GALNT18: variants seen among roughly 807,000 people sequenced by gnomAD.
The protein encoded by GALNT18 is polypeptide N-acetylgalactosaminyltransferase 18, also known as GalNAc-transferase 18.
In GALNT18, 44 loss-of-function variants were observed where a neutral mutation model predicts 69.5. The ratio of observed to expected loss-of-function variants is 0.63; its 90% CI spans 0.50 to 0.81. GALNT18 has a LOEUF of 0.81. Ranked by LOEUF, GALNT18 falls within the 40% of genes least tolerant of loss-of-function variation. GALNT18 has a pLI of 0.00. For missense variants in GALNT18, 715 were observed against 810.0 expected (o/e 0.88, Z 1.42); for synonymous variants, 364 against 318.2 (o/e 1.14, Z -1.53).
rs1283532792 is a variant in GALNT18, at chr11:11,460,250, C to T, written c.236-11314G>A. On this transcript the variant is annotated intron_variant, in intron 1 of 10. Coordinates refer to ENST00000227756, the MANE Select transcript of GALNT18 (RefSeq NM_198516.3). The stretch of plus-strand genomic sequence containing the variant: ...TTAGGATGTGTACATCTTTGAGGGG[C>T]CATTACTCTGCTACCATAGCAAGAG... 2.0e-5 allele frequency among the ~76,000 whole-genome samples: 3 copies of T among 152,298 alleles called. No homozygotes were observed. In the East Asian group the frequency reaches 5.8e-4, roughly 29 times the overall value.
chr11:11,332,615 C>G lies in GALNT18; in HGVS notation c.1416+79G>C, dbSNP rs1254575739. 4.6e-6 allele frequency: 7 copies of G among 1,524,412 alleles called. No individual in the cohort carries two copies. The highest frequency in any genetic ancestry group is 5.4e-6 in the Non-Finnish European group (6 of 1,105,538). The allele number at this position is 1,524,412 out of a possible 1,614,324, so 94.4% of individuals were successfully genotyped here. On this transcript the variant is annotated intron_variant, in intron 8 of 10. Coordinates refer to ENST00000227756, the MANE Select transcript of GALNT18 (RefSeq NM_198516.3). This position sits in a 1 kb window ranked among gnomAD's most constrained non-coding sequence, Gnocchi z 4.3. ...TCTTCATGTGAGCAGCTGAGAGGCTCTTTCCCTCCTCTCCCTTTCTTCACT... is the reference window on the plus strand; with the variant it reads ...TCTTCATGTGAGCAGCTGAGAGGCTGTTTCCCTCCTCTCCCTTTCTTCACT...
At position 11,377,791 on chromosome 11, in the gene GALNT18, G is replaced by A. The variant is rs997202989; in HGVS notation, c.780-412C>T. On this transcript the variant is annotated intron_variant, in intron 4 of 10. Transcript: ENST00000227756. This position sits in a 1 kb window ranked among gnomAD's most constrained non-coding sequence, Gnocchi z 4.6. Reference sequence around the variant, plus strand: ...TAAAATTCTATGTGTCAACCTGGAGGAAAAGACAGATGAGGATGGCAGAGA... The same window carrying A: ...TAAAATTCTATGTGTCAACCTGGAGAAAAAGACAGATGAGGATGGCAGAGA... Among the ~76,000 whole-genome samples, 5 of 152,172 alleles carry A rather than the reference G, an allele frequency of 3.3e-5. No individual in the cohort carries two copies. Among genetic ancestry groups the A allele is most frequent in the African/African-American group, 4.8e-5 (2 of 41,452 alleles).
At chr11:11,545,529 G>A (rs749833548) in intron 1 of GALNT18, among the ~76,000 whole-genome samples, 13 of 152,170 alleles carry the variant, frequency 8.5e-5, no homozygotes, top group Admixed American at 5.9e-4. Flanking sequence ...TCAGATAAGC[G>A]CGTGCACAGT....
chr11:11,508,389 C>T (rs1037134003), intron 1 of GALNT18, among the ~76,000 whole-genome samples: 1 of 152,216 alleles, frequency 6.6e-6, no homozygotes, highest in Admixed American at 6.5e-5. Flanking sequence ...ATGTTGTGCT[C>T]ATCCCACTGC....
chr11:11,363,851 G>A (rs1041387137), intron 6 of GALNT18, among the ~76,000 whole-genome samples: 6 of 151,482 alleles, frequency 4.0e-5, no homozygotes, highest in Admixed American at 2.0e-4. Context: ...CAGGAAATGT[G>A]TAAGATGAGC....
intron 6 of GALNT18, among the ~76,000 whole-genome samples, chr11:11,368,606 TTAA>T (rs991947820): frequency 5.3e-5 from 8 of 152,324 alleles, no homozygotes; most frequent in African/African-American, 1.9e-4. Flanking sequence ...TTTTATTCCT[TTAA>T]TAATGTTCAT....
rs537985179 is a variant in GALNT18 at position 11,341,258 on chromosome 11, C to G, written c.1093-254G>C. On this transcript the variant is annotated intron_variant, in intron 6 of 10. Coordinates refer to ENST00000227756, the MANE Select transcript of GALNT18 (RefSeq NM_198516.3). The surrounding 1 kb of genome is among the most constrained non-coding windows in gnomAD (Gnocchi z 6.3). Reference sequence around the variant, plus strand: ...AACAAAAAAAATGAATGCACTTTTTCCCTCCACCTGTGAGCCCTACCCCAC... The same window carrying G: ...AACAAAAAAAATGAATGCACTTTTTGCCTCCACCTGTGAGCCCTACCCCAC... 2.6e-5 allele frequency among the ~76,000 whole-genome samples: 4 copies of G among 152,184 alleles called. No homozygotes were observed. The highest frequency in any genetic ancestry group is 2.6e-4 in the Admixed American group (4 of 15,308).
chr11:11,437,048 C>A (rs545616782), intron 2 of GALNT18, among the ~76,000 whole-genome samples: 8 of 152,172 alleles, frequency 5.3e-5, no homozygotes, highest in African/African-American at 1.7e-4. Flanking sequence ...CAGCCGGGAC[C>A]CTGCCTACTC....
rs571777514 is a variant in GALNT18, at chr11:11,436,573, T to C, written c.429-3786A>G. Among the ~76,000 whole-genome samples the C allele has an allele frequency of 2.6e-5, 4 of 152,316 alleles. No individual in the cohort carries two copies. Among genetic ancestry groups the C allele is most frequent in the African/African-American group, 9.6e-5 (4 of 41,576 alleles). ...CATGATGCAAGCAGCAGGTCTTCCATTGGTGTTTGTTGAATAAATTCCCTT... is the reference window on the plus strand; with the variant it reads ...CATGATGCAAGCAGCAGGTCTTCCACTGGTGTTTGTTGAATAAATTCCCTT... On this transcript the variant is annotated intron_variant, in intron 2 of 10. Transcript: ENST00000227756. This position sits in a 1 kb window ranked among gnomAD's most constrained non-coding sequence, Gnocchi z 4.5.
chr11:11,341,183 G>A lies in GALNT18; in HGVS notation c.1093-179C>T, dbSNP rs1850200225. 6.6e-6 allele frequency among the ~76,000 whole-genome samples: 1 copy of A among 152,164 alleles called. No individual in the cohort carries two copies. Among genetic ancestry groups the A allele is most frequent in the African/African-American group, 2.4e-5 (1 of 41,434 alleles). On this transcript the variant is annotated intron_variant, in intron 6 of 10. Coordinates refer to ENST00000227756, the MANE Select transcript of GALNT18 (RefSeq NM_198516.3). This position sits in a 1 kb window ranked among gnomAD's most constrained non-coding sequence, Gnocchi z 6.3. ...TTTCTGCTCCTATAGCAGCAGGATGGCTATGGAGTCATTAATTCATATATT... is the reference window on the plus strand; with the variant it reads ...TTTCTGCTCCTATAGCAGCAGGATGACTATGGAGTCATTAATTCATATATT...
chr11:11,371,892 C>T (rs550265271), intron 6 of GALNT18, among the ~76,000 whole-genome samples: 11 of 152,262 alleles, frequency 7.2e-5, no homozygotes, highest in Non-Finnish European at 1.2e-4. Context: ...TAACATAGAG[C>T]CTCTTGGGGA....
chr11:11,540,573 AC>A lies in GALNT18; in HGVS notation c.235+80785del, dbSNP rs1294275497. Among the ~76,000 whole-genome samples, 4 of 152,142 alleles carry A rather than the reference AC, an allele frequency of 2.6e-5. No homozygotes were observed. The highest frequency in any genetic ancestry group is 6.5e-5 in the Admixed American group (1 of 15,292). On this transcript the variant is annotated intron_variant, in intron 1 of 10. Coordinates refer to ENST00000227756, the MANE Select transcript of GALNT18 (RefSeq NM_198516.3). The surrounding 1 kb of genome is among the most constrained non-coding windows in gnomAD (Gnocchi z 4.6). ...ACTGAGGGGCTCCCAGAATTAGAGC[AC>A]CCTTTGACCCTGAAAACTGATCCCT... is the stretch of plus-strand genomic sequence containing the variant.
rs1434662442 is a variant in GALNT18 at position 11,413,174 on chromosome 11, G to C, written c.595+19447C>G. ...ATCTGTGTCTCAGAGTCTGCTTCTG[G>C]GGGAACAGCCTCTCCAAGGAGAAGC... On this transcript the variant is annotated intron_variant, in intron 3 of 10. Coordinates refer to ENST00000227756, the MANE Select transcript of GALNT18 (RefSeq NM_198516.3). The surrounding 1 kb of genome is among the most constrained non-coding windows in gnomAD (Gnocchi z 4.7). 6.6e-6 allele frequency among the ~76,000 whole-genome samples: 1 copy of C among 152,154 alleles called. No homozygotes were observed. The highest frequency in any genetic ancestry group is 1.5e-5 in the Non-Finnish European group (1 of 68,040).
intron 8 of GALNT18, among the ~76,000 whole-genome samples, chr11:11,331,826 G>A (rs73417697): frequency 0.047 from 7,130 of 152,232 alleles, 529 homozygotes; most frequent in African/African-American, 0.16. Flanking sequence ...TAGACTGTAA[G>A]TCAGCAAAAG....
intron 1 of GALNT18, among the ~76,000 whole-genome samples, chr11:11,553,461 G>A (rs1858250233): frequency 1.3e-5 from 2 of 152,208 alleles, no homozygotes; most frequent in South Asian, 2.1e-4. Flanking sequence ...GGGCATGGAC[G>A]GGACCCAGGC....
At chr11:11,351,263 G>T (rs375276920) in intron 6 of GALNT18, among the ~76,000 whole-genome samples, 6 of 152,182 alleles carry the variant, frequency 3.9e-5, no homozygotes, top group African/African-American at 1.4e-4. Context: ...TGAGAGTTTG[G>T]TTCAAACTCA....
rs537615599 is a variant in GALNT18, at chr11:11,356,903, T to C, written c.1092+15612A>G. Among the ~76,000 whole-genome samples the C allele has an allele frequency of 3.9e-5, 6 of 152,322 alleles. No individual in the cohort carries two copies. The Middle Eastern group carries it at 0.01, about 259-fold the overall frequency. Reference sequence around the variant, plus strand: ...TTATCTTCACTAACCATAAAACTTTTACAACGTACTTTTAAACTGCGTCTA... The same window carrying C: ...TTATCTTCACTAACCATAAAACTTTCACAACGTACTTTTAAACTGCGTCTA... On this transcript the variant is annotated intron_variant, in intron 6 of 10. Transcript: ENST00000227756. This position sits in a 1 kb window ranked among gnomAD's most constrained non-coding sequence, Gnocchi z 4.4.
chr11:11,410,215 G>A (rs1442511512), intron 3 of GALNT18, among the ~76,000 whole-genome samples: 1 of 152,168 alleles, frequency 6.6e-6, no homozygotes, highest in Non-Finnish European at 1.5e-5. Flanking sequence ...CCTGGAGTAG[G>A]AGGGATTCCT....
Position 11,439,311 on chromosome 11 carries a change from C to T in GALNT18, c.429-6524G>A, listed in dbSNP as rs113060952. ...GAGCTGTCCAGGATGTCTTGAACCACGCTGCCTCCTCCAGAGCCTGCCTGT... is the reference window on the plus strand; with the variant it reads ...GAGCTGTCCAGGATGTCTTGAACCATGCTGCCTCCTCCAGAGCCTGCCTGT... On this transcript the variant is annotated intron_variant, in intron 2 of 10. Transcript: ENST00000227756. This position sits in a 1 kb window ranked among gnomAD's most constrained non-coding sequence, Gnocchi z 4.4. Among the ~76,000 whole-genome samples the T allele has an allele frequency of 2.4e-4, 36 of 152,310 alleles. No homozygotes were observed. Among genetic ancestry groups the T allele is most frequent in the African/African-American group, 5.8e-4 (24 of 41,566 alleles).
Sources: allele counts gnomAD v4.1 joint callset (sites outside exome capture counted in the v4.1 genomes callset), GRCh38; gene constraint gnomAD v4.1.1; non-coding constraint Gnocchi (gnomAD v3.1); transcripts MANE v1.5; gene names NCBI Gene and HGNC (gene_info 2026-07-23, HGNC 2026-07-21).